The following PRP4K variants were observed in gnomAD, a reference collection of about 807,000 sequenced individuals.
The protein encoded by PRP4K is pre-mRNA processing factor kinase PRP4K.
the PRP4K span, chr6:4,040,715 G>A: frequency 1.7e-5 from 26 of 1,543,388 alleles, no homozygotes; most frequent in African/African-American, 3.3e-4. Context: ...ACACATGCAT[G>A]CCTTTCCCAC....
chr6:4,052,220 T>G, the PRP4K span: 32 of 1,093,738 alleles, frequency 2.9e-5, no homozygotes, highest in South Asian at 6.1e-4. Flanking sequence ...CAGCTCTGGT[T>G]TTTGTTTTTA....
At chr6:4,058,887 A>G in the PRP4K span, 1 of 1,231,990 alleles carries the variant, frequency 8.1e-7, no homozygotes, top group Non-Finnish European at 1.1e-6. Context: ...GAGCTGGTGA[A>G]TTAAAAAAAA....
chr6:4,045,732 G>A, the PRP4K span, among the ~76,000 whole-genome samples: 1 of 152,170 alleles, frequency 6.6e-6, no homozygotes, highest in South Asian at 2.1e-4. Context: ...TACTAACTGT[G>A]GCTTAAAATT....
chr6:4,053,710 T>G, the PRP4K span, among the ~76,000 whole-genome samples: 1 of 152,166 alleles, frequency 6.6e-6, no homozygotes, highest in Non-Finnish European at 1.5e-5. Context: ...TGTTCGCAAC[T>G]TGGAGAATTC....
chr6:4,061,425 C>A, the PRP4K span: 4 of 152,546 alleles, frequency 2.6e-5, no homozygotes, highest in African/African-American at 9.7e-5. Context: ...ACTTTATATA[C>A]ATTTTGTTAA....
At chr6:4,022,377 A>C in the PRP4K span, among the ~76,000 whole-genome samples, 1 of 150,682 alleles carries the variant, frequency 6.6e-6, no homozygotes, top group Non-Finnish European at 1.5e-5. Flanking sequence ...TTTGCTGTTC[A>C]TGTCTATGTT....
At chr6:4,052,102 G>A in the PRP4K span, 1 of 1,552,982 alleles carries the variant, frequency 6.4e-7, no homozygotes, top group Non-Finnish European at 8.7e-7. Context: ...CAGGTACAAT[G>A]TCAAAACGTG....
chr6:4,040,630 A>T, the PRP4K span: 1 of 868,380 alleles, frequency 1.2e-6, no homozygotes, highest in Non-Finnish European at 1.7e-6. Flanking sequence ...TAAAAAATAG[A>T]CTATATTTTA....
chr6:4,056,924 A>T, the PRP4K span: 1 of 1,164,100 alleles, frequency 8.6e-7, no homozygotes. Context: ...AGGCATGAAG[A>T]TTGTGGTTAT....
chr6:4,053,492 CT>C, the PRP4K span, among the ~76,000 whole-genome samples: 1 of 152,160 alleles, frequency 6.6e-6, no homozygotes, highest in East Asian at 1.9e-4. Context: ...TATTGTTCCC[CT>C]GTGTGTCCAT....
chr6:4,021,518 T>C, the PRP4K span: 10 of 1,558,562 alleles, frequency 6.4e-6, no homozygotes, highest in African/African-American at 1.4e-4. Flanking sequence ...GACTGCCGAG[T>C]GGGAGCTGCA....
chr6:4,031,742 T>C, the PRP4K span: 21 of 1,602,068 alleles, frequency 1.3e-5, no homozygotes, highest in Non-Finnish European at 1.8e-5. Context: ...AGCATAAACA[T>C]AAGAAACACA....
the PRP4K span, chr6:4,031,835 A>G: frequency 2.4e-5 from 39 of 1,614,124 alleles, no homozygotes; most frequent in East Asian, 7.6e-4. Flanking sequence ...TAGCTTTGCT[A>G]GAAGACTTGG....
chr6:4,058,731 A>T, the PRP4K span: 1 of 1,612,576 alleles, frequency 6.2e-7, no homozygotes, highest in Non-Finnish European at 8.5e-7. Flanking sequence ...TTTGTAGATG[A>T]TTCGAAAAGG....
At chr6:4,063,476 A>G in the PRP4K span, 1 of 152,210 alleles carries the variant, frequency 6.6e-6, no homozygotes, top group Non-Finnish European at 1.5e-5. Context: ...AGGCAGATGC[A>G]AAAGAATACA....
At chr6:4,042,553 G>A in the PRP4K span, 1 of 1,606,322 alleles carries the variant, frequency 6.2e-7, no homozygotes, top group South Asian at 1.1e-5. Flanking sequence ...GAATCCAAAG[G>A]CAGGCAATTG....
chr6:4,033,975 A>C, the PRP4K span, among the ~76,000 whole-genome samples: 2 of 151,492 alleles, frequency 1.3e-5, no homozygotes, highest in African/African-American at 2.4e-5. Context: ...TAAGGACTAG[A>C]GCTGAGTATT....
the PRP4K span, among the ~76,000 whole-genome samples, chr6:4,059,639 A>G: frequency 2.8e-5 from 1 of 35,844 alleles, no homozygotes. Flanking sequence ...CTTGGAGTTG[A>G]CTTTTTTTTT....
At chr6:4,047,284 A>C in the PRP4K span, 1 of 1,490,124 alleles carries the variant, frequency 6.7e-7, no homozygotes, top group Non-Finnish European at 9.3e-7. Context: ...AAACAAAAAA[A>C]AATAACAAAT....
Sources: gnomAD v4.1 joint callset for allele counts (sites outside exome capture counted in the v4.1 genomes callset) on GRCh38, gnomAD v4.1.1 for gene constraint, MANE v1.5 for transcripts, NCBI Gene and HGNC (gene_info 2026-07-23, HGNC 2026-07-21) for gene names.